ROS1: variants seen among roughly 807,000 people sequenced by gnomAD.
The protein encoded by ROS1 is ROS proto-oncogene 1, receptor tyrosine kinase, also known as proto-oncogene tyrosine-protein kinase ROS.
Under a neutral mutation model 273.5 loss-of-function variants are expected in ROS1, and 263 were observed. That is an observed-to-expected ratio of 0.96 (90% CI 0.87 to 1.06). The LOEUF is 1.06. ROS1 is among the 50% of genes least tolerant of loss of function. The pLI, the probability that ROS1 is intolerant of heterozygous loss-of-function variation, is 0.00. For missense variants in ROS1, 2,833 were observed against 2,751.1 expected (o/e 1.03, Z -0.67); for synonymous variants, 1,008 against 954.1 (o/e 1.06, Z -1.04).
chr6:117,337,211 C>G lies in ROS1; in HGVS notation c.5191G>C (p.Glu1731Gln), dbSNP rs372371100. The change falls in exon 32 of 44, where the codon GAA (glutamate) becomes CAA (glutamine). Residue 1731 changes from glutamate to glutamine, a missense_variant. Glu to Gln is a conservative substitution (Grantham distance 29). Transcript: ENST00000368507. Reference protein sequence around the residue: ...VRVVVVYKTGENSTSLPESFK... With the variant: ...VRVVVVYKTGQNSTSLPESFK... ...CTTTCTGGAAGTGAGGTGCTATTTT[C>G]TCCCGTCTTATAAACCACCACTACT... is the stretch of plus-strand genomic sequence containing the variant. 2 of 1,612,514 alleles carry G rather than the reference C, an allele frequency of 1.2e-6. No homozygotes were observed. The highest frequency in any genetic ancestry group is 1.7e-6 in the Non-Finnish European group (2 of 1,179,054).
intron 5 of ROS1, among the ~76,000 whole-genome samples, chr6:117,408,664 T>C (rs567301798): frequency 1.6e-3 from 238 of 152,278 alleles, no homozygotes; most frequent in African/African-American, 5.3e-3. Context: ...GGCGATTCCT[T>C]AGGGATCTAG....
intron 12 of ROS1, among the ~76,000 whole-genome samples, chr6:117,390,888 A>G (rs73568832): frequency 1.3e-5 from 2 of 152,216 alleles, no homozygotes; most frequent in African/African-American, 4.8e-5. Flanking sequence ...AAAATATTTC[A>G]TTGACAATGA....
Position 117,409,568 on chromosome 6 carries a change from GT to G in ROS1, c.316+13del. 1 of 1,606,952 alleles carries G rather than the reference GT, an allele frequency of 6.2e-7. No homozygotes were observed. ...GTGCAGCCTATTTTTTAAAAGTCGT[GT>G]GTGTCCTCTTACCCAGTACTTCCTC... On this transcript the variant is annotated intron_variant, in intron 5 of 43. Transcript: ENST00000368507.
chr6:117,413,430 T>G (rs779882099), intron 4 of ROS1, among the ~76,000 whole-genome samples: 1 of 152,194 alleles, frequency 6.6e-6, no homozygotes, highest in Non-Finnish European at 1.5e-5. Flanking sequence ...ATAATGTAGC[T>G]TCTTCATATC....
chr6:117,291,935 C>T (rs573876328), intron 43 of ROS1, among the ~76,000 whole-genome samples: 2 of 151,958 alleles, frequency 1.3e-5, no homozygotes, highest in Non-Finnish European at 2.9e-5. Context: ...TGCTAACACC[C>T]ATTATGGCAA....
intron 43 of ROS1, among the ~76,000 whole-genome samples, chr6:117,298,862 T>A (rs949366099): frequency 6.6e-6 from 1 of 152,180 alleles, no homozygotes; most frequent in African/African-American, 2.4e-5. Context: ...GTTGAAATAA[T>A]TTTTTTAATT....
intron 3 of ROS1, among the ~76,000 whole-genome samples, chr6:117,415,157 T>C (rs1216418370): frequency 6.6e-6 from 1 of 152,204 alleles, no homozygotes; most frequent in East Asian, 1.9e-4. Context: ...AAATTATTTG[T>C]TTGAGTTGCA....
At chr6:117,378,588 T>C (rs536923980) in intron 18 of ROS1, among the ~76,000 whole-genome samples, 111 of 152,310 alleles carry the variant, frequency 7.3e-4, no homozygotes, top group Non-Finnish European at 1.3e-3. Context: ...AATAAAAGTG[T>C]AAAATTTATT....
chr6:117,356,641 G>A lies in ROS1; in HGVS notation c.4114C>T (p.Pro1372Ser), dbSNP rs368568897. 1.3e-5 allele frequency: 21 copies of A among 1,612,660 alleles called. No individual in the cohort carries two copies. In the African/African-American group the frequency reaches 2.0e-4, roughly 15 times the overall value. Residue 1372 changes from proline (P) to serine (S), a missense_variant, in exon 26 of 44, where the codon CCT becomes TCT. Coordinates refer to ENST00000368507, the MANE Select transcript of ROS1 (RefSeq NM_001378902.1). Reference protein sequence around the residue: ...GCQCWRVITVPAMLGKTLVSL... With the variant: ...GCQCWRVITVSAMLGKTLVSL... ...ATCAGCATCTTACCGAGCATAGCAG[G>A]TACTGTGATAACTCTCCAACACTGA... is the stretch of plus-strand genomic sequence containing the variant.
At chr6:117,389,957 G>T (rs1772926981) in intron 12 of ROS1, 111 bp from the exon 13 acceptor site, 3 of 941,182 alleles carry the variant, frequency 3.2e-6, no homozygotes, top group Non-Finnish European at 4.7e-6. Flanking sequence ...TATCTCTGAT[G>T]TTGCTAAGTA....
At chr6:117,335,383 T>C (rs1254862622) in intron 32 of ROS1, among the ~76,000 whole-genome samples, 1 of 152,180 alleles carries the variant, frequency 6.6e-6, no homozygotes, top group East Asian at 1.9e-4. Context: ...ACTTTTACAC[T>C]GTTGGTGGTA....
At chr6:117,387,074 C>A (rs897959230) in intron 14 of ROS1, 75 bp from the exon 15 acceptor site, 8 of 708,166 alleles carry the variant, frequency 1.1e-5, no homozygotes, top group Non-Finnish European at 2.0e-5. Flanking sequence ...ATACTTATAT[C>A]TATGCCTTAT....
In ROS1 at chr6:117,360,420, A is replaced by G. The variant is rs973919318; in HGVS notation, c.3367-15T>C. 3 of 1,604,698 alleles carry G rather than the reference A, an allele frequency of 1.9e-6. No homozygotes were observed. The highest frequency in any genetic ancestry group is 2.7e-5 in the African/African-American group (2 of 74,654). ...AAGGCCCTAACCTAAAGAAAAGGAA[A>G]CAAAAATTGCATTCAGTAGTGTTCT... On this transcript the variant is annotated splice_polypyrimidine_tract_variant and intron_variant, in intron 22 of 43. Transcript: ENST00000368507.
intron 19 of ROS1, 152 bp downstream of exon 19, chr6:117,365,924 A>G: frequency 1.2e-6 from 1 of 849,362 alleles, no homozygotes. Context: ...AATTTGGGTT[A>G]AGATTAAACT....
rs1195555951 is a variant in ROS1 at position 117,409,241 on chromosome 6, AG to A, written c.316+340del. On this transcript the variant is annotated intron_variant, in intron 5 of 43. Transcript: ENST00000368507. The stretch of plus-strand genomic sequence containing the variant: ...AAATAAATAAATAAATAAAAAAGAG[AG>A]AAAAAAAACTGGCATTCTCTGACAT... Among the ~76,000 whole-genome samples the A allele has an allele frequency of 3.2e-3, 330 of 103,350 alleles. 4 individuals carry two copies. Among genetic ancestry groups the A allele is most frequent in the African/African-American group, 0.014 (316 of 22,136 alleles). The allele number at this position is 103,350 out of a possible 152,430, so 67.8% of individuals were successfully genotyped here.
chr6:117,309,239 C>G (rs59551553), intron 41 of ROS1, among the ~76,000 whole-genome samples: 7,578 of 152,220 alleles, frequency 0.05, 643 homozygotes, highest in African/African-American at 0.17. Flanking sequence ...TATGCACACA[C>G]AGAAACAGAC....
At chr6:117,317,452 C>A (rs1009952045) in intron 38 of ROS1, among the ~76,000 whole-genome samples, 180 bp from the exon 39 acceptor site, 1 of 152,112 alleles carries the variant, frequency 6.6e-6, no homozygotes, top group Non-Finnish European at 1.5e-5. Flanking sequence ...GGTAATATGG[C>A]AACCCCTAGT....
intron 27 of ROS1, among the ~76,000 whole-genome samples, chr6:117,348,707 AT>A (rs199629368): frequency 2.0e-5 from 3 of 151,768 alleles, no homozygotes; most frequent in South Asian, 2.1e-4. Context: ...TTTTAGATCT[AT>A]TTTTTTAATA....
chr6:117,404,098 G>C (rs891163259), intron 6 of ROS1, among the ~76,000 whole-genome samples, 182 bp downstream of exon 6: 1 of 152,196 alleles, frequency 6.6e-6, no homozygotes, highest in South Asian at 2.1e-4. Context: ...AGCCGGGCGC[G>C]ATGGCGGGCG....
Sources: allele counts gnomAD v4.1 joint callset (sites outside exome capture counted in the v4.1 genomes callset), GRCh38; gene constraint gnomAD v4.1.1; transcripts MANE v1.5; gene names NCBI Gene and HGNC (gene_info 2026-07-23, HGNC 2026-07-21).